The following GRIP1 variants were observed in gnomAD, a reference collection of about 807,000 sequenced individuals.
The protein encoded by GRIP1 is glutamate receptor interacting protein 1.
A neutral mutation model predicts 129.9 loss-of-function variants in GRIP1; 45 were observed. The observed-to-expected ratio is 0.35, with a 90% CI of 0.27 to 0.44. The LOEUF (loss-of-function observed/expected upper bound fraction) is 0.44, where lower values mean the gene tolerates loss of function less well. Among genes scored for constraint, GRIP1 ranks in the 20% least tolerant of loss-of-function variants. The pLI is 1.00. For missense variants in GRIP1, 1,196 were observed against 1,396.8 expected, an observed-to-expected ratio of 0.86 and a Z score of 2.29; for synonymous variants, 530 against 520.8, an observed-to-expected ratio of 1.02 and a Z score of -0.24.
At chr12:66,989,136 T>C (rs1211534147) in intron 1 of GRIP1, among the ~76,000 whole-genome samples, 1 of 152,206 alleles carries the variant, frequency 6.6e-6, no homozygotes, top group Non-Finnish European at 1.5e-5. Flanking sequence ...CACACAATCC[T>C]GGCTCTAAAG....
chr12:66,489,440 A>G (rs2138653044), intron 7 of GRIP1, among the ~76,000 whole-genome samples: 1 of 152,320 alleles, frequency 6.6e-6, no homozygotes, highest in South Asian at 2.1e-4. Context: ...AATTCTCAAT[A>G]AACTAGGTAT....
At chr12:66,833,761 T>C (rs1475008516) in intron 1 of GRIP1, among the ~76,000 whole-genome samples, 1 of 152,136 alleles carries the variant, frequency 6.6e-6, no homozygotes, top group Non-Finnish European at 1.5e-5. Context: ...TATTTATCTA[T>C]CTCTTACATT....
At chr12:66,553,418 A>G (rs937719846) in intron 2 of GRIP1, among the ~76,000 whole-genome samples, 58 of 151,842 alleles carry the variant, frequency 3.8e-4, no homozygotes, top group African/African-American at 1.1e-3. Context: ...GCACTTTGCT[A>G]TCTAGCAGTA....
chr12:66,470,861 G>A (rs2059420168), intron 7 of GRIP1, among the ~76,000 whole-genome samples: 1 of 151,918 alleles, frequency 6.6e-6, no homozygotes, highest in Non-Finnish European at 1.5e-5. Context: ...GCCTGAAAAG[G>A]CAAAGAATAG....
At chr12:66,961,987 G>A (rs768800323) in intron 1 of GRIP1, among the ~76,000 whole-genome samples, 1 of 152,166 alleles carries the variant, frequency 6.6e-6, no homozygotes, top group African/African-American at 2.4e-5. Context: ...TGTAGAGAAC[G>A]ATGTTTTGAA....
intron 2 of GRIP1, among the ~76,000 whole-genome samples, chr12:66,592,943 C>A (rs112224646): frequency 0.018 from 2,783 of 152,200 alleles, 101 homozygotes; most frequent in African/African-American, 0.064. Context: ...TGGAATTTAT[C>A]TTATTTTTGA....
At position 67,058,125 on chromosome 12, in the gene GRIP1, G is replaced by A. The variant is rs186317307; in HGVS notation, c.58+10925C>T. Among the ~76,000 whole-genome samples the A allele has an allele frequency of 2.3e-4, 35 of 151,940 alleles. No individual in the cohort carries two copies. The East Asian group carries it at 2.9e-3, about 13-fold the overall frequency. ...AATATCAGACATCAGAAGATATGAC[G>A]GAAGGAAACCATTCACAGATTATAT... On this transcript the variant is annotated intron_variant, in intron 1 of 1. Coordinates refer to the GRIP1 transcript ENST00000643019.
At chr12:66,808,663 G>A (rs916598616), upstream of GRIP1, among the ~76,000 whole-genome samples, 7 of 152,154 alleles carry the variant, frequency 4.6e-5, no homozygotes, top group South Asian at 1.2e-3. Flanking sequence ...TAAATCAAAC[G>A]TTTGTTTTTG....
chr12:66,584,000 A>C (rs2063510623), intron 2 of GRIP1, among the ~76,000 whole-genome samples: 1 of 143,078 alleles, frequency 7.0e-6, no homozygotes, highest in African/African-American at 2.6e-5. Context: ...AAAGACTTGC[A>C]ACCAACCCAA....
In GRIP1 at chr12:66,535,216, A is replaced by G. The variant is rs1174804273; in HGVS notation, c.418+3862T>C. Among the ~76,000 whole-genome samples the G allele has an allele frequency of 2.0e-5, 3 of 152,292 alleles. No homozygotes were observed. The East Asian group carries it at 5.8e-4, about 29-fold the overall frequency. On this transcript the variant is annotated intron_variant, in intron 4 of 24. Coordinates refer to ENST00000359742, the MANE Select transcript of GRIP1 (RefSeq NM_001366722.1). ...GCTATACTTAGAGTTTCTTTTAGGA[A>G]GGGGTTGTGTTTTATTGATATTCAT...
intron 4 of GRIP1, among the ~76,000 whole-genome samples, 183 bp downstream of exon 4, chr12:66,538,895 G>A (rs1463504977): frequency 4.6e-5 from 7 of 152,084 alleles, no homozygotes; most frequent in South Asian, 2.1e-4. Context: ...GAGCCACCGC[G>A]CCCAGCCAGT....
At chr12:66,491,749 C>T (rs191391334) in intron 7 of GRIP1, among the ~76,000 whole-genome samples, 3 of 152,218 alleles carry the variant, frequency 2.0e-5, no homozygotes, top group East Asian at 1.9e-4. Flanking sequence ...ATAGCAAAAC[C>T]GATCCAGCAT....
chr12:66,548,382 G>C (rs190018749), intron 2 of GRIP1, among the ~76,000 whole-genome samples: 6 of 152,344 alleles, frequency 3.9e-5, no homozygotes, highest in African/African-American at 9.6e-5. Flanking sequence ...GAAGGGGAAA[G>C]ACAGCTCTCT....
chr12:66,937,505 C>T (rs958370272), intron 1 of GRIP1, among the ~76,000 whole-genome samples: 2 of 152,046 alleles, frequency 1.3e-5, no homozygotes, highest in East Asian at 3.8e-4. Flanking sequence ...ATCTGGTAGG[C>T]ACAACAATTT....
chr12:66,392,248 C>A, intron 19 of GRIP1, 60 bp downstream of exon 19: 1 of 995,450 alleles, frequency 1.0e-6, no homozygotes, highest in South Asian at 1.3e-5. Context: ...GAGGATGAAT[C>A]TTGGAGAAGC....
intron 7 of GRIP1, among the ~76,000 whole-genome samples, chr12:66,493,411 G>A (rs1303689092): frequency 6.6e-6 from 1 of 152,090 alleles, no homozygotes; most frequent in Non-Finnish European, 1.5e-5. Context: ...ATGCCTTCAG[G>A]AGCATGTTTT....
chr12:66,379,021 G>A (rs2055964485), intron 20 of GRIP1, among the ~76,000 whole-genome samples: 1 of 152,198 alleles, frequency 6.6e-6, no homozygotes. Flanking sequence ...GGAGTGCAAA[G>A]TTTATAGAAG....
In GRIP1 at chr12:66,410,368, AC is replaced by A. The variant is rs112338102; in HGVS notation, c.1839-3941del. On this transcript the variant is annotated intron_variant, in intron 15 of 24. Coordinates refer to ENST00000359742, the MANE Select transcript of GRIP1 (RefSeq NM_001366722.1). ...AAAGCTGGGCCAGGCATGGTGGCTC[AC>A]GCCTATAATCCCAGCACTTTGGGAG... Among the ~76,000 whole-genome samples, 19 of 151,120 alleles carry A rather than the reference AC, an allele frequency of 1.3e-4. 1 individual carries two copies. The highest frequency in any genetic ancestry group is 4.4e-4 in the African/African-American group (18 of 41,222).
intron 13 of GRIP1, among the ~76,000 whole-genome samples, chr12:66,434,149 A>G (rs1033780957): frequency 1.3e-5 from 2 of 152,178 alleles, no homozygotes; most frequent in African/African-American, 4.8e-5. Flanking sequence ...ACAGTGTTAA[A>G]CTGGAGAGCA....
Sources: allele counts gnomAD v4.1 joint callset (sites outside exome capture counted in the v4.1 genomes callset), GRCh38; gene constraint gnomAD v4.1.1; transcripts MANE v1.5; gene names NCBI Gene and HGNC (gene_info 2026-07-23, HGNC 2026-07-21).